KCNH8: variants seen among roughly 807,000 people sequenced by gnomAD.
KCNH8 encodes voltage-gated delayed rectifier potassium channel KCNH8.
In KCNH8, 70 loss-of-function variants were observed where a neutral mutation model predicts 103.6. The observed-to-expected ratio is 0.68, with a 90% CI of 0.56 to 0.82. The LOEUF (loss-of-function observed/expected upper bound fraction) is 0.82, where lower values mean the gene tolerates loss of function less well. Among genes scored for constraint, KCNH8 ranks in the 40% least tolerant of loss-of-function variants. The probability of loss-of-function intolerance (pLI) is 0.00; values close to 1 mark genes in which losing one functional copy is unlikely to be tolerated. For synonymous variants in KCNH8, 498 were observed against 489.4 expected (o/e 1.02, Z -0.23); for missense variants, 1,217 against 1,329.9 (o/e 0.92, Z 1.32).
intron 3 of KCNH8, among the ~76,000 whole-genome samples, chr3:19,296,473 T>G (rs1425212567): frequency 6.6e-6 from 1 of 152,240 alleles, no homozygotes; most frequent in Non-Finnish European, 1.5e-5. Flanking sequence ...GCACACTGGT[T>G]TGTGCTCTAG....
At chr3:19,149,800 CATTTATCCTA>C (rs2063111360) in intron 1 of KCNH8, among the ~76,000 whole-genome samples, 1 of 152,202 alleles carries the variant, frequency 6.6e-6, no homozygotes, top group African/African-American at 2.4e-5. Context: ...CAGAGAAACT[CATTTATCCTA>C]AAGTCCTTCT....
intron 1 of KCNH8, 36 bp from the exon 2 acceptor site, chr3:19,253,618 C>G (rs753496962): frequency 1.4e-6 from 2 of 1,430,978 alleles, no homozygotes; most frequent in African/African-American, 2.8e-5. Flanking sequence ...TCACACTTAT[C>G]TAGTTGCTGA....
intron 12 of KCNH8, among the ~76,000 whole-genome samples, chr3:19,511,428 T>C (rs2068781703): frequency 6.6e-6 from 1 of 152,206 alleles, no homozygotes; most frequent in South Asian, 2.1e-4. Context: ...TAGAGGCTTC[T>C]TGAAACAAAG....
At chr3:19,218,007 G>A (rs576980437) in intron 1 of KCNH8, among the ~76,000 whole-genome samples, 1 of 152,258 alleles carries the variant, frequency 6.6e-6, no homozygotes, top group South Asian at 2.1e-4. Flanking sequence ...AGGAGCCATG[G>A]ATTTGACTGA....
intron 11 of KCNH8, among the ~76,000 whole-genome samples, chr3:19,489,835 A>G (rs187151118): frequency 1.1e-4 from 16 of 152,352 alleles, no homozygotes; most frequent in African/African-American, 3.8e-4. Context: ...GTCAAAACCA[A>G]AACCAAAGTA....
chr3:19,275,748 C>G (rs1204092712), intron 2 of KCNH8, among the ~76,000 whole-genome samples: 1 of 152,010 alleles, frequency 6.6e-6, no homozygotes, highest in Non-Finnish European at 1.5e-5. Flanking sequence ...AACATGACAC[C>G]TTTTTTTAGT....
chr3:19,310,747 T>G (rs2065197395), intron 3 of KCNH8, among the ~76,000 whole-genome samples: 1 of 151,840 alleles, frequency 6.6e-6, no homozygotes, highest in African/African-American at 2.4e-5. Flanking sequence ...TAAAATCGTA[T>G]AATGGTGCCT....
Position 19,209,687 on chromosome 3 carries a change from C to T in KCNH8, c.77-43967C>T, listed in dbSNP as rs777331150. The stretch of plus-strand genomic sequence containing the variant: ...ACAGCTCCGTTTACTAGATTCTGAA[C>T]AAAAATCAGCTTTGCTTATAGGGAG... On this transcript the variant is annotated intron_variant, in intron 1 of 15. Coordinates refer to ENST00000328405, the MANE Select transcript of KCNH8 (RefSeq NM_144633.3). Among the ~76,000 whole-genome samples, 61 of 151,784 alleles carry T rather than the reference C, an allele frequency of 4.0e-4. 2 individuals carry two copies. The highest frequency in any genetic ancestry group is 1.2e-4 in the Non-Finnish European group (8 of 67,978).
intron 1 of KCNH8, among the ~76,000 whole-genome samples, chr3:19,177,201 A>G (rs1392635335): frequency 6.6e-6 from 1 of 152,132 alleles, no homozygotes; most frequent in Non-Finnish European, 1.5e-5. Context: ...TTTTTACAGT[A>G]TGAGAGGTAA....
intron 11 of KCNH8, among the ~76,000 whole-genome samples, chr3:19,493,211 G>T (rs576227438): frequency 1.4e-4 from 21 of 152,084 alleles, no homozygotes; most frequent in Admixed American, 5.9e-4. Flanking sequence ...GATGCCTTTT[G>T]TTTCTTTCTC....
chr3:19,497,817 T>C (rs1354505814), intron 11 of KCNH8, among the ~76,000 whole-genome samples: 3 of 152,192 alleles, frequency 2.0e-5, no homozygotes, highest in Admixed American at 6.5e-5. Context: ...CTGAACAATT[T>C]GTCTAATACT....
At chr3:19,414,265 C>T (rs1242605984) in intron 7 of KCNH8, among the ~76,000 whole-genome samples, 1 of 151,940 alleles carries the variant, frequency 6.6e-6, no homozygotes. Flanking sequence ...AAAGGAGATA[C>T]TCAAATGTTA....
At chr3:19,253,259 G>A (rs1360633911) in intron 1 of KCNH8, among the ~76,000 whole-genome samples, 1 of 152,098 alleles carries the variant, frequency 6.6e-6, no homozygotes, top group Non-Finnish European at 1.5e-5. Flanking sequence ...TTTGGGGAAA[G>A]CAGATTTAAG....
At chr3:19,298,921 C>CAAAAAAA (rs56304109) in intron 3 of KCNH8, among the ~76,000 whole-genome samples, 1 of 77,054 alleles carries the variant, frequency 1.3e-5, no homozygotes. Context: ...GACTCCGTCT[C>CAAAAAAA]AAAAAAAAAA....
intron 10 of KCNH8, among the ~76,000 whole-genome samples, chr3:19,456,018 C>T (rs1176859499): frequency 1.3e-5 from 2 of 152,112 alleles, no homozygotes; most frequent in African/African-American, 4.8e-5. Context: ...AGTTAGATTT[C>T]TAATGAAATA....
intron 3 of KCNH8, 131 bp downstream of exon 3, chr3:19,281,460 G>A: frequency 1.4e-6 from 1 of 716,096 alleles, no homozygotes; most frequent in Non-Finnish European, 2.2e-6. Flanking sequence ...TTAGCAGTCA[G>A]CATTTGGTGC....
chr3:19,176,377 A>C (rs1397409849), intron 1 of KCNH8, among the ~76,000 whole-genome samples: 1 of 152,170 alleles, frequency 6.6e-6, no homozygotes, highest in Non-Finnish European at 1.5e-5. Flanking sequence ...GAGGTAGAGT[A>C]TTCTCATTCA....
intron 2 of KCNH8, among the ~76,000 whole-genome samples, chr3:19,266,038 C>G (rs1021092774): frequency 6.6e-6 from 1 of 152,024 alleles, no homozygotes; most frequent in South Asian, 2.1e-4. Flanking sequence ...TCCTCACTGT[C>G]TCCAAAGCTG....
At chr3:19,380,845 G>A (rs1357815221) in intron 5 of KCNH8, among the ~76,000 whole-genome samples, 1 of 152,128 alleles carries the variant, frequency 6.6e-6, no homozygotes, top group Non-Finnish European at 1.5e-5. Context: ...AAAATAGACT[G>A]AATTATTGTA....
Sources: allele counts gnomAD v4.1 joint callset (sites outside exome capture counted in the v4.1 genomes callset), GRCh38; gene constraint gnomAD v4.1.1; transcripts MANE v1.5; gene names NCBI Gene and HGNC (gene_info 2026-07-23, HGNC 2026-07-21).